The following ANK3 variants were observed in gnomAD, a reference collection of about 807,000 sequenced individuals.
ANK3 encodes ankyrin 3.
ANK3 carries 57 observed loss-of-function variants against 370.9 expected under a neutral mutation model. That is an observed-to-expected ratio of 0.15 (90% CI 0.12 to 0.19). The LOEUF (loss-of-function observed/expected upper bound fraction) is 0.19, where lower values mean the gene tolerates loss of function less well. Among genes scored for constraint, ANK3 ranks in the 10% least tolerant of loss-of-function variants. The pLI is 1.00. For missense variants in ANK3, 4,439 were observed against 5,302.1 expected, an observed-to-expected ratio of 0.84 and a Z score of 5.06; for synonymous variants, 1,929 against 1,946.3, an observed-to-expected ratio of 0.99 and a Z score of 0.23.
Position 60,495,815 on chromosome 10 carries a change from G to A in ANK3, c.96+119371C>T, listed in dbSNP as rs114353169. 3.0e-3 allele frequency among the ~76,000 whole-genome samples: 455 copies of A among 152,216 alleles called. 1 individual carries two copies. The highest frequency in any genetic ancestry group is 0.01 in the African/African-American group (420 of 41,538). ...TAAAAGATGTCAGCCCTCAAGCACA[G>A]AGGCAGCAGTTAGTTGTGATTTTTT... On this transcript the variant is annotated intron_variant, in intron 2 of 43. Coordinates refer to the ANK3 transcript ENST00000373827.
rs182623724 is a variant in ANK3, at chr10:60,196,737, G to A, written c.1690-112C>T. The A allele has an allele frequency of 1.2e-4, 81 of 665,084 alleles. No individual in the cohort carries two copies. The East Asian group carries it at 1.8e-3, about 15-fold the overall frequency. 41.2% of individuals were successfully genotyped at this position (665,084 alleles called of 1,614,324 possible). On this transcript the variant is annotated intron_variant, in intron 14 of 43. Coordinates refer to ENST00000280772, the MANE Select transcript of ANK3 (RefSeq NM_020987.5). ...CAAAAAGATATGACATAAGGGCACTGCTTTCCAGAACTGATTAATTATTCT... is the reference window on the plus strand; with the variant it reads ...CAAAAAGATATGACATAAGGGCACTACTTTCCAGAACTGATTAATTATTCT...
chr10:60,208,920 T>A lies in ANK3; in HGVS notation c.997-687A>T, dbSNP rs571227522. 7.2e-5 allele frequency among the ~76,000 whole-genome samples: 11 copies of A among 152,342 alleles called. No homozygotes were observed. The East Asian group carries it at 2.1e-3, about 29-fold the overall frequency. Reference sequence around the variant, plus strand: ...GCAAGGCATTGACAAAGCCACTAACTAATGCTTGACTTGTTAGTTTAAATC... The same window carrying A: ...GCAAGGCATTGACAAAGCCACTAACAAATGCTTGACTTGTTAGTTTAAATC... On this transcript the variant is annotated intron_variant, in intron 9 of 43. Coordinates refer to ENST00000280772, the MANE Select transcript of ANK3 (RefSeq NM_020987.5).
intron 8 of ANK3, among the ~76,000 whole-genome samples, chr10:60,227,846 C>T (rs551367304): frequency 1.3e-5 from 2 of 152,254 alleles, no homozygotes; most frequent in African/African-American, 4.8e-5. Context: ...CAGCAAATTT[C>T]AACAGTGGAG....
intron 1 of ANK3, among the ~76,000 whole-genome samples, chr10:60,731,563 T>C (rs534131723): frequency 1.6e-4 from 25 of 152,370 alleles, no homozygotes; most frequent in Middle Eastern, 6.8e-3. Context: ...GCCCTCCAGA[T>C]ATTAGTAGCT....
chr10:60,515,136 G>C (rs945113686), intron 2 of ANK3, among the ~76,000 whole-genome samples: 14 of 152,150 alleles, frequency 9.2e-5, no homozygotes, highest in African/African-American at 3.4e-4. Context: ...TATAGGTAAT[G>C]TGTTATATTA....
intron 1 of ANK3, among the ~76,000 whole-genome samples, chr10:60,714,809 G>C (rs539201878): frequency 6.6e-6 from 1 of 152,292 alleles, no homozygotes; most frequent in South Asian, 2.1e-4. Flanking sequence ...GGGCAACATG[G>C]TTGCCAGGGG....
At chr10:60,653,030 TAA>T (rs964037596) in intron 1 of ANK3, among the ~76,000 whole-genome samples, 1 of 152,200 alleles carries the variant, frequency 6.6e-6, no homozygotes, top group African/African-American at 2.4e-5. Flanking sequence ...GTTATAATTA[TAA>T]GAGACCTCTA....
At chr10:60,383,085 C>T (rs951032203) in intron 1 of ANK3, among the ~76,000 whole-genome samples, 5 of 151,892 alleles carry the variant, frequency 3.3e-5, no homozygotes. Flanking sequence ...GTTTTGATGG[C>T]CCAAGCAAGA....
chr10:60,406,853 T>C (rs2063466192), intron 2 of ANK3, among the ~76,000 whole-genome samples: 1 of 152,236 alleles, frequency 6.6e-6, no homozygotes, highest in African/African-American at 2.4e-5. Flanking sequence ...TTTTTGTCTT[T>C]TTTCATTACC....
intron 8 of ANK3, among the ~76,000 whole-genome samples, chr10:60,219,500 C>G (rs555567567): frequency 2.0e-5 from 3 of 152,166 alleles, no homozygotes; most frequent in Admixed American, 2.0e-4. Context: ...GGGCAATGTG[C>G]GTGAGAGAGA....
chr10:60,412,011 A>G (rs1165034079), intron 2 of ANK3, among the ~76,000 whole-genome samples: 2 of 152,172 alleles, frequency 1.3e-5, no homozygotes, highest in Non-Finnish European at 2.9e-5. Context: ...TATGAACACC[A>G]TAGAAGAAAT....
chr10:60,109,086 G>A (rs2092467719), intron 26 of ANK3, 32 bp from the exon 27 acceptor site: 2 of 1,568,352 alleles, frequency 1.3e-6, no homozygotes, highest in African/African-American at 2.7e-5. Context: ...CCAATTCAAG[G>A]ACGGAAATAA....
At chr10:60,390,696 G>A (rs149294237), upstream of ANK3, among the ~76,000 whole-genome samples, 1 of 148,202 alleles carries the variant, frequency 6.7e-6, no homozygotes, top group African/African-American at 2.5e-5. Flanking sequence ...TGTCAGGCTG[G>A]GCCTAAAACA....
Position 60,070,716 on chromosome 10 carries a change from C to A in ANK3, c.10165G>T (p.Asp3389Tyr). 6.2e-7 allele frequency: 1 copy of A among 1,614,122 alleles called. No individual in the cohort carries two copies. Residue 3389 changes from aspartate (D) to tyrosine (Y), a missense_variant, in exon 37 of 44, where the codon GAC becomes TAC. Physicochemically the swap from Asp to Tyr is radical, Grantham distance 160. Transcript: ENST00000280772. This position sits in a 1 kb window ranked among gnomAD's most constrained non-coding sequence, Gnocchi z 5.7. ...ATGGAACACTCTGTGATGGACTGGT[C>A]GTTGTTCCCATTCTGGGCAATTTCA... is the stretch of plus-strand genomic sequence containing the variant. ...QNEIAQNGNN[D>Y]QSITECSIAT...
chr10:60,312,664 G>A (rs2046596448), intron 1 of ANK3, among the ~76,000 whole-genome samples: 1 of 152,200 alleles, frequency 6.6e-6, no homozygotes, highest in Non-Finnish European at 1.5e-5. Context: ...CACACAGCTT[G>A]TTAACAGGTT....
intron 21 of ANK3, among the ~76,000 whole-genome samples, chr10:60,168,090 A>G (rs2132300316): frequency 6.6e-6 from 1 of 152,306 alleles, no homozygotes; most frequent in South Asian, 2.1e-4. Context: ...CAGTGGCACA[A>G]TCTCGGCTTG....
intron 2 of ANK3, among the ~76,000 whole-genome samples, chr10:60,613,626 T>A (rs1271918929): frequency 6.6e-6 from 1 of 152,110 alleles, no homozygotes; most frequent in Non-Finnish European, 1.5e-5. Context: ...CATTACAACA[T>A]CCTGCTGGAA....
chr10:60,614,674 G>A (rs1176788218), intron 2 of ANK3, among the ~76,000 whole-genome samples: 3 of 152,182 alleles, frequency 2.0e-5, no homozygotes. Flanking sequence ...GACATATCAG[G>A]TTACCATAGC....
chr10:60,164,136 A>G (rs1055538822), intron 23 of ANK3, among the ~76,000 whole-genome samples: 1 of 152,204 alleles, frequency 6.6e-6, no homozygotes, highest in Non-Finnish European at 1.5e-5. Flanking sequence ...TTGTTTTGGG[A>G]TTTGCAGTAG....
Sources: gnomAD v4.1 joint callset for allele counts (sites outside exome capture counted in the v4.1 genomes callset) on GRCh38, gnomAD v4.1.1 for gene constraint, Gnocchi (gnomAD v3.1) non-coding constraint, MANE v1.5 for transcripts, NCBI Gene and HGNC (gene_info 2026-07-23, HGNC 2026-07-21) for gene names.